The following SAMD4A variants were observed in gnomAD, a reference collection of about 807,000 sequenced individuals.
SAMD4A encodes the protein protein Smaug homolog 1.
In SAMD4A, 33 loss-of-function variants were observed where a neutral mutation model predicts 81.3. The observed-to-expected ratio is 0.41, with a 90% CI of 0.31 to 0.54. The LOEUF (loss-of-function observed/expected upper bound fraction) is 0.54. SAMD4A is among the 20% of genes least tolerant of loss of function. The pLI is 0.37. For missense variants in SAMD4A, 854 were observed against 951.1 expected, an observed-to-expected ratio of 0.90 and a Z score of 1.34; for synonymous variants, 389 against 382.1, an observed-to-expected ratio of 1.02 and a Z score of -0.21.
intron 6 of SAMD4A, among the ~76,000 whole-genome samples, chr14:54,756,006 C>A (rs565976885): frequency 6.6e-6 from 1 of 152,234 alleles, no homozygotes; most frequent in African/African-American, 2.4e-5. Context: ...TGTAAGCCTG[C>A]GCCTTTTCTT....
Position 54,702,363 on chromosome 14 carries a change from A to C in SAMD4A, c.498A>C (p.Ser166=), listed in dbSNP as rs745770291. ...TSFGGQNRGR[S]DSVDYGQTHY... ...TTGGTGGCCAGAACCGAGGCCGCTC[A>C]GACTCTGTGGATTATGGACAGACAC... Residue 166 remains serine, a synonymous_variant, in exon 3 of 13, where the codon TCA becomes TCC. Transcript: ENST00000554335. The C allele has an allele frequency of 3.7e-5, 60 of 1,614,070 alleles. No homozygotes were observed. The highest frequency in any genetic ancestry group is 4.7e-5 in the Non-Finnish European group (56 of 1,180,016).
chr14:54,763,746 G>A (rs1383584453), intron 7 of SAMD4A, among the ~76,000 whole-genome samples: 2 of 152,126 alleles, frequency 1.3e-5, no homozygotes, highest in African/African-American at 4.8e-5. Context: ...GAAAGTCGGG[G>A]AATCGTCACC....
chr14:54,772,822 CAAACA>C (rs1036594938), intron 9 of SAMD4A, among the ~76,000 whole-genome samples: 3 of 130,918 alleles, frequency 2.3e-5, no homozygotes, highest in East Asian at 2.7e-4. Context: ...TAAAAACAAA[CAAACA>C]AAAAAAAAAA....
intron 2 of SAMD4A, among the ~76,000 whole-genome samples, chr14:54,634,153 G>GTGT (rs1199651492): frequency 6.6e-6 from 1 of 152,000 alleles, no homozygotes; most frequent in Non-Finnish European, 1.5e-5. Context: ...AGGGATGGTG[G>GTGT]TGTATGCCTG....
chr14:54,792,009 C>G lies in SAMD4A; in HGVS notation c.*3065C>G, dbSNP rs2140009584. Reference sequence around the variant, plus strand: ...GTGTACTTGGCATCTCTACATTGTCCTAGGGACAGTGGTGTTCTACAATAT... The same window carrying G: ...GTGTACTTGGCATCTCTACATTGTCGTAGGGACAGTGGTGTTCTACAATAT... On this transcript the variant is annotated 3_prime_UTR_variant, in exon 13 of 13. Coordinates refer to ENST00000554335, the MANE Select transcript of SAMD4A (RefSeq NM_015589.6). 1 of 152,236 alleles carries G rather than the reference C, an allele frequency of 6.6e-6. No individual in the cohort carries two copies. The highest frequency in any genetic ancestry group is 1.5e-5 in the Non-Finnish European group (1 of 68,016). The allele number at this position is 152,236 out of a possible 1,614,324, so 9.4% of individuals were successfully genotyped here. A position where few individuals can be genotyped will look rare whatever the true frequency, so the allele number is the denominator to read the frequency against.
intron 2 of SAMD4A, among the ~76,000 whole-genome samples, chr14:54,599,370 G>C (rs1309356866): frequency 6.6e-6 from 1 of 152,138 alleles, no homozygotes. Context: ...TTATCTGTGG[G>C]TGCGATCCAT....
intron 3 of SAMD4A, among the ~76,000 whole-genome samples, chr14:54,707,774 A>G (rs1490126112): frequency 6.6e-6 from 1 of 152,090 alleles, no homozygotes; most frequent in East Asian, 1.9e-4. Flanking sequence ...TTCCAAGCAG[A>G]GATAAAGCTG....
At chr14:54,726,999 G>A (rs561115805) in intron 3 of SAMD4A, among the ~76,000 whole-genome samples, 36 of 151,802 alleles carry the variant, frequency 2.4e-4, no homozygotes, top group African/African-American at 6.0e-4. Context: ...GGCTAGGTTC[G>A]GTCACATTTT....
In SAMD4A at chr14:54,776,015, TAAAAAAAAAAAA is replaced by T. The variant is rs10539223; in HGVS notation, c.1918-383_1918-372del. Among the ~76,000 whole-genome samples, 487 of 89,852 alleles carry T rather than the reference TAAAAAAAAAAAA, an allele frequency of 5.4e-3. 6 individuals carry two copies. Among genetic ancestry groups the T allele is most frequent in the African/African-American group, 0.022 (460 of 20,726 alleles). The allele number at this position is 89,852 out of a possible 152,430, so 58.9% of individuals were successfully genotyped here. On this transcript the variant is annotated intron_variant, in intron 10 of 12. Coordinates refer to ENST00000554335, the MANE Select transcript of SAMD4A (RefSeq NM_015589.6). Reference sequence around the variant, plus strand: ...GCTTTGGAGTACATTGTAAGAATCTTAAAAAAAAAAAAAAAAAAAAAAAAAAATCAGAGCCCT... The same window carrying T: ...GCTTTGGAGTACATTGTAAGAATCTTAAAAAAAAAAAAAAATCAGAGCCCT...
At chr14:54,624,709 A>G (rs1266800240) in intron 2 of SAMD4A, among the ~76,000 whole-genome samples, 2 of 152,204 alleles carry the variant, frequency 1.3e-5, no homozygotes, top group African/African-American at 4.8e-5. Context: ...ATTATCCTCA[A>G]TTACTAAATT....
chr14:54,645,691 G>A (rs1049325974), intron 2 of SAMD4A, among the ~76,000 whole-genome samples: 3 of 152,102 alleles, frequency 2.0e-5, no homozygotes, highest in African/African-American at 7.2e-5. Context: ...CTTTCATTTT[G>A]TTTTGGATCT....
intron 2 of SAMD4A, among the ~76,000 whole-genome samples, chr14:54,678,429 C>T (rs2036038694): frequency 1.9e-5 from 2 of 106,238 alleles, no homozygotes; most frequent in Middle Eastern, 6.6e-3. Context: ...TGGGCAGTCA[C>T]CATTTGTGTG....
chr14:54,737,561 T>TTTTTTTTTTTTTTTTTTTTTTTTTG (rs34263162), intron 4 of SAMD4A, among the ~76,000 whole-genome samples: 2 of 122,608 alleles, frequency 1.6e-5, no homozygotes, highest in African/African-American at 6.2e-5. Context: ...TTTTTTTTTT[T>TTTTTTTTTTTTTTTTTTTTTTTTTG]GCATTGCAGT....
chr14:54,740,352 C>A (rs1288916053), intron 4 of SAMD4A, among the ~76,000 whole-genome samples: 1 of 152,220 alleles, frequency 6.6e-6, no homozygotes, highest in East Asian at 1.9e-4. Flanking sequence ...GTGCCATCAT[C>A]TAATGCTATT....
At chr14:54,766,337 G>A (rs891878533) in intron 8 of SAMD4A, among the ~76,000 whole-genome samples, 5 of 151,414 alleles carry the variant, frequency 3.3e-5, no homozygotes, top group Non-Finnish European at 7.4e-5. Flanking sequence ...ACCTAGGCAG[G>A]TTACAGTAGT....
At position 54,567,864 on chromosome 14, in the gene SAMD4A, G is replaced by C; in HGVS notation, c.-53G>C. On this transcript the variant is annotated 5_prime_UTR_variant, in exon 2 of 13. Coordinates refer to ENST00000554335, the MANE Select transcript of SAMD4A (RefSeq NM_015589.6). Reference sequence around the variant, plus strand: ...GCTCCGCCAAACTTTGGGGCGGGCGGGGCGGGCTGGGGCGCCCAGGGGGCT... The same window carrying C: ...GCTCCGCCAAACTTTGGGGCGGGCGCGGCGGGCTGGGGCGCCCAGGGGGCT... 6.4e-7 allele frequency: 1 copy of C among 1,554,918 alleles called. No homozygotes were observed. Among genetic ancestry groups the C allele is most frequent in the Non-Finnish European group, 8.6e-7 (1 of 1,159,576 alleles).
intron 3 of SAMD4A, among the ~76,000 whole-genome samples, chr14:54,707,944 A>G (rs2036898998): frequency 6.6e-6 from 1 of 152,202 alleles, no homozygotes; most frequent in South Asian, 2.1e-4. Flanking sequence ...ATTGTAGGTC[A>G]TTGCAAGGAC....
chr14:54,610,506 T>G (rs1224505011), intron 2 of SAMD4A, among the ~76,000 whole-genome samples: 1 of 152,152 alleles, frequency 6.6e-6, no homozygotes, highest in East Asian at 1.9e-4. Flanking sequence ...CTGAAAAGTA[T>G]TTTTTGGCAC....
intron 11 of SAMD4A, among the ~76,000 whole-genome samples, chr14:54,778,356 A>G (rs1316921700): frequency 1.3e-5 from 2 of 152,190 alleles, no homozygotes; most frequent in Non-Finnish European, 2.9e-5. Context: ...CCCCTCCACT[A>G]TCTCACAGCA....
Sources: gnomAD v4.1 joint callset for allele counts (sites outside exome capture counted in the v4.1 genomes callset) on GRCh38, gnomAD v4.1.1 for gene constraint, MANE v1.5 for transcripts, NCBI Gene and HGNC (gene_info 2026-07-23, HGNC 2026-07-21) for gene names.